The following MIGA1 variants were observed in gnomAD, a reference collection of about 807,000 sequenced individuals.
MIGA1 encodes mitoguardin 1.
A neutral mutation model predicts 82.0 loss-of-function variants in MIGA1; 58 were observed. The ratio of observed to expected loss-of-function variants is 0.71; its 90% CI spans 0.57 to 0.88. MIGA1 has a LOEUF of 0.88. MIGA1 is among the 40% of genes least tolerant of loss of function. The probability of loss-of-function intolerance (pLI) is 0.00; values close to 1 mark genes in which losing one functional copy is unlikely to be tolerated. For synonymous variants in MIGA1, 249 were observed against 253.6 expected (o/e 0.98, Z 0.17); for missense variants, 751 against 749.1 (o/e 1.00, Z -0.03).
chr1:77,864,685 G>T (rs1685597325), intron 13 of MIGA1, among the ~76,000 whole-genome samples: 1 of 152,082 alleles, frequency 6.6e-6, no homozygotes, highest in Non-Finnish European at 1.5e-5. Flanking sequence ...TCAAAAAAAT[G>T]TCAAAACTGG....
chr1:77,780,127 A>G (rs930713105), intron 1 of MIGA1: 32 of 997,024 alleles, frequency 3.2e-5, no homozygotes, highest in Non-Finnish European at 3.7e-5. Context: ...TGGCAAAGAA[A>G]AAGGAAGACA....
chr1:77,834,625 T>G (rs1684360458), intron 7 of MIGA1, among the ~76,000 whole-genome samples: 1 of 152,242 alleles, frequency 6.6e-6, no homozygotes, highest in Non-Finnish European at 1.5e-5. Flanking sequence ...TATTCAACTT[T>G]GTTCTTTCTC....
intron 5 of MIGA1, 30 bp from the exon 6 acceptor site, chr1:77,813,704 A>G (rs1683454230): frequency 6.9e-6 from 11 of 1,605,254 alleles, no homozygotes; most frequent in Non-Finnish European, 9.4e-6. Context: ...GATTTTGCTC[A>G]GTTAAAATTG....
chr1:77,847,324 A>G, intron 8 of MIGA1: 1 of 918,044 alleles, frequency 1.1e-6, no homozygotes, highest in Admixed American at 1.7e-5. Context: ...GCTACTGTGT[A>G]TGAATATGAC....
chr1:77,863,523 G>A (rs914686014), intron 12 of MIGA1, among the ~76,000 whole-genome samples: 2 of 152,222 alleles, frequency 1.3e-5, no homozygotes, highest in African/African-American at 2.4e-5. Context: ...AGTATGTAGA[G>A]TGTGTATGTA....
intron 2 of MIGA1, among the ~76,000 whole-genome samples, chr1:77,795,351 T>C (rs1451269976): frequency 1.3e-5 from 2 of 151,878 alleles, no homozygotes; most frequent in East Asian, 3.9e-4. Flanking sequence ...TTCTTTTTCT[T>C]TTCTTTTTTT....
intron 2 of MIGA1, among the ~76,000 whole-genome samples, chr1:77,797,487 C>A (rs2101735385): frequency 6.6e-6 from 1 of 152,118 alleles, no homozygotes; most frequent in Middle Eastern, 3.4e-3. Context: ...TTTGCCTTTT[C>A]TTAATTTTTT....
rs1412229575 is a variant in MIGA1, at chr1:77,874,854, T to A, written c.1689T>A (p.Val563=). ...TTATGTTCATTTTCCAGAATCAAGTTCTTTTATTTCTCAAAGACATTTTTG... is the reference window on the plus strand; with the variant it reads ...TTATGTTCATTTTCCAGAATCAAGTACTTTTATTTCTCAAAGACATTTTTG... The change falls in exon 16 of 16, where the codon GTT becomes GTA. Residue 563 remains valine (V), a synonymous_variant. Transcript: ENST00000370791. The A allele has an allele frequency of 1.9e-6, 3 of 1,612,596 alleles. No homozygotes were observed. The South Asian group carries it at 3.3e-5, about 18-fold the overall frequency.
intron 15 of MIGA1, among the ~76,000 whole-genome samples, chr1:77,873,516 T>A (rs913944949): frequency 2.0e-5 from 3 of 152,162 alleles, no homozygotes; most frequent in Non-Finnish European, 4.4e-5. Flanking sequence ...GCACATGTGG[T>A]AATATAGAAT....
intron 8 of MIGA1, among the ~76,000 whole-genome samples, chr1:77,849,749 A>C (rs898096858): frequency 6.6e-6 from 1 of 152,112 alleles, no homozygotes; most frequent in African/African-American, 2.4e-5. Flanking sequence ...TGAAAGTATG[A>C]AGGCATGGCC....
chr1:77,784,917 C>T (rs1285199380), intron 2 of MIGA1, among the ~76,000 whole-genome samples: 1 of 152,162 alleles, frequency 6.6e-6, no homozygotes, highest in African/African-American at 2.4e-5. Flanking sequence ...TACTCATTAT[C>T]ATGAGAACAG....
At position 77,806,764 on chromosome 1, in the gene MIGA1, CTCT is replaced by C. The variant is rs150821417; in HGVS notation, c.511-206_511-204del. Among the ~76,000 whole-genome samples the C allele has an allele frequency of 7.4e-4, 113 of 152,282 alleles. 1 individual carries two copies. The East Asian group carries it at 0.019, about 26-fold the overall frequency. Reference sequence around the variant, plus strand: ...TAAGTGATTTACATTCAAAATACTACTCTTCTTGTGTATTTTTGAGCAAACAGG... The same window carrying C: ...TAAGTGATTTACATTCAAAATACTACTCTTGTGTATTTTTGAGCAAACAGG... On this transcript the variant is annotated intron_variant, in intron 4 of 15. Coordinates refer to ENST00000370791, the MANE Select transcript of MIGA1 (RefSeq NM_198549.4).
rs1390936490 is a variant in MIGA1, at chr1:77,847,513, TACAG to T, written c.996+4108_996+4111del. 6 of 1,431,330 alleles carry T rather than the reference TACAG, an allele frequency of 4.2e-6. No homozygotes were observed. In the South Asian group the frequency reaches 5.8e-5, roughly 14 times the overall value. 88.7% of individuals were successfully genotyped at this position (1,431,330 alleles called of 1,614,324 possible). A position where few individuals can be genotyped will look rare whatever the true frequency, so the allele number is the denominator to read the frequency against. ...AGAGAACGAGAAATGGAAAAGGAAA[TACAG>T]AGAGAAAGAGAAATGGAAAAGGGAG... On this transcript the variant is annotated intron_variant, in intron 8 of 15. Coordinates refer to ENST00000370791, the MANE Select transcript of MIGA1 (RefSeq NM_198549.4).
rs1242170788 is a variant in MIGA1 at position 77,815,151 on chromosome 1, T to C, written c.815T>C (p.Leu272Pro). 1 of 1,605,334 alleles carries C rather than the reference T, an allele frequency of 6.2e-7. No homozygotes were observed. Among genetic ancestry groups the C allele is most frequent in the South Asian group, 1.1e-5 (1 of 89,664 alleles). The change falls in exon 7 of 16, where the codon CTG becomes CCG. Residue 272 changes from leucine (L) to proline (P), a missense_variant. Leu to Pro is a moderately conservative substitution (Grantham distance 98, BLOSUM62 -3). Transcript: ENST00000370791. ...TTTATCCATAAACTCGAAGCTCTGC[T>C]GCAAAGAGCCTATCGTCTCCAAGAG...
At chr1:77,787,798 C>T (rs1454913726) in intron 2 of MIGA1, among the ~76,000 whole-genome samples, 1 of 150,920 alleles carries the variant, frequency 6.6e-6, no homozygotes, top group East Asian at 1.9e-4. Flanking sequence ...TTCTCCAATT[C>T]TGTGAATTAC....
chr1:77,792,569 T>TA (rs1007867907), intron 2 of MIGA1, among the ~76,000 whole-genome samples: 1 of 152,118 alleles, frequency 6.6e-6, no homozygotes, highest in Non-Finnish European at 1.5e-5. Context: ...AGAAAAAGGA[T>TA]AAAAAAAGTT....
At chr1:77,781,941 C>A (rs1392424413) in intron 1 of MIGA1, among the ~76,000 whole-genome samples, 3 of 151,614 alleles carry the variant, frequency 2.0e-5, no homozygotes, top group Non-Finnish European at 4.4e-5. Context: ...AAAAAGAGAA[C>A]ATAGAAATGT....
chr1:77,779,807 T>G, intron 1 of MIGA1, 71 bp downstream of exon 1: 1 of 1,492,900 alleles, frequency 6.7e-7, no homozygotes, highest in Non-Finnish European at 8.9e-7. Context: ...GGCCACGCAG[T>G]TGGGGCAGAG....
intron 14 of MIGA1, among the ~76,000 whole-genome samples, chr1:77,869,648 G>T (rs1685833415): frequency 7.1e-6 from 1 of 139,984 alleles, no homozygotes; most frequent in African/African-American, 2.7e-5. Flanking sequence ...GGGGCGGCCG[G>T]GCAGAGGCGC....
Sources: gnomAD v4.1 joint callset for allele counts (sites outside exome capture counted in the v4.1 genomes callset) on GRCh38, gnomAD v4.1.1 for gene constraint, MANE v1.5 for transcripts, NCBI Gene and HGNC (gene_info 2026-07-23, HGNC 2026-07-21) for gene names.